Variants in GUCY1A2 observed in about 807,000 individuals in gnomAD.
The protein encoded by GUCY1A2 is guanylate cyclase 1 soluble subunit alpha 2, also known as guanylate cyclase soluble subunit alpha-2.
Under a neutral mutation model 63.5 loss-of-function variants are expected in GUCY1A2, and 27 were observed. The observed-to-expected ratio is 0.43, with a 90% CI of 0.31 to 0.59. GUCY1A2 has a LOEUF of 0.59. GUCY1A2 is among the 20% of genes least tolerant of loss of function. The pLI, the probability that GUCY1A2 is intolerant of heterozygous loss-of-function variation, is 0.11. For synonymous variants in GUCY1A2, 364 were observed against 343.5 expected, an observed-to-expected ratio of 1.06 and a Z score of -0.66; for missense variants, 768 against 913.3, an observed-to-expected ratio of 0.84 and a Z score of 2.05.
chr11:106,791,667 T>A (rs894239783), intron 5 of GUCY1A2, among the ~76,000 whole-genome samples: 3 of 152,160 alleles, frequency 2.0e-5, no homozygotes, highest in Non-Finnish European at 4.4e-5. Context: ...TCTTTTATTT[T>A]CAGAATAAAT....
chr11:106,827,853 A>C (rs1858994014), intron 4 of GUCY1A2: 1 of 1,600,856 alleles, frequency 6.2e-7, no homozygotes, highest in African/African-American at 1.3e-5. Flanking sequence ...GACCACCATG[A>C]ACTTCCCTGC....
At chr11:106,881,173 T>C (rs1015961747) in intron 4 of GUCY1A2, among the ~76,000 whole-genome samples, 1 of 152,092 alleles carries the variant, frequency 6.6e-6, no homozygotes, top group African/African-American at 2.4e-5. Flanking sequence ...GGCACATCCC[T>C]TTTAAATGTT....
At chr11:106,960,284 A>G (rs1861042310) in intron 3 of GUCY1A2, among the ~76,000 whole-genome samples, 1 of 152,116 alleles carries the variant, frequency 6.6e-6, no homozygotes, top group South Asian at 2.1e-4. Context: ...GATATGAAGG[A>G]TTTCAGTCTA....
intron 5 of GUCY1A2, among the ~76,000 whole-genome samples, chr11:106,786,879 C>T (rs1332139188): frequency 6.6e-6 from 1 of 152,164 alleles, no homozygotes; most frequent in Non-Finnish European, 1.5e-5. Context: ...CATCCACTCA[C>T]TCTTTAGAAA....
At chr11:106,818,060 T>G (rs1591289170) in intron 4 of GUCY1A2, among the ~76,000 whole-genome samples, 1 of 152,278 alleles carries the variant, frequency 6.6e-6, no homozygotes, top group East Asian at 1.9e-4. Flanking sequence ...CATTAAACAC[T>G]ATAGCCAAAA....
At chr11:106,853,472 T>C (rs932481204) in intron 4 of GUCY1A2, among the ~76,000 whole-genome samples, 3 of 152,054 alleles carry the variant, frequency 2.0e-5, no homozygotes, top group Admixed American at 1.3e-4. Context: ...TAAAAATTCA[T>C]TGAATTCTTC....
At chr11:106,935,465 G>GATCC (rs1324395569) in intron 4 of GUCY1A2, among the ~76,000 whole-genome samples, 1 of 152,108 alleles carries the variant, frequency 6.6e-6, no homozygotes, top group Non-Finnish European at 1.5e-5. Flanking sequence ...ATAACAAGAT[G>GATCC]ATCCCTTCAT....
chr11:106,923,508 G>A (rs1396730003), intron 4 of GUCY1A2, among the ~76,000 whole-genome samples: 1 of 152,166 alleles, frequency 6.6e-6, no homozygotes, highest in African/African-American at 2.4e-5. Context: ...CCTTTGCAAG[G>A]CCCACAATCA....
intron 6 of GUCY1A2, among the ~76,000 whole-genome samples, chr11:106,745,497 G>A (rs1215845178): frequency 6.6e-6 from 1 of 152,058 alleles, no homozygotes; most frequent in Non-Finnish European, 1.5e-5. Flanking sequence ...ATTACCATTT[G>A]TTGCCACATA....
chr11:106,930,325 G>A (rs1860583754), intron 4 of GUCY1A2, among the ~76,000 whole-genome samples: 1 of 152,188 alleles, frequency 6.6e-6, no homozygotes, highest in Non-Finnish European at 1.5e-5. Context: ...CTGCTACAGA[G>A]ACTGCATTCT....
At chr11:106,928,750 T>C (rs1860563397) in intron 4 of GUCY1A2, among the ~76,000 whole-genome samples, 1 of 152,162 alleles carries the variant, frequency 6.6e-6, no homozygotes, top group Non-Finnish European at 1.5e-5. Context: ...GTGACTATCC[T>C]GAATACTGTA....
At chr11:106,855,846 T>C (rs1859422322) in intron 4 of GUCY1A2, among the ~76,000 whole-genome samples, 1 of 152,020 alleles carries the variant, frequency 6.6e-6, no homozygotes, top group Non-Finnish European at 1.5e-5. Flanking sequence ...CAGAAAGTAT[T>C]AGTCCTTCAT....
intron 3 of GUCY1A2, among the ~76,000 whole-genome samples, chr11:106,963,717 T>C (rs1205973134): frequency 2.0e-5 from 3 of 152,316 alleles, no homozygotes; most frequent in Non-Finnish European, 4.4e-5. Flanking sequence ...TAGGTGATAC[T>C]AGGAATTTAT....
At chr11:106,971,439 A>G (rs1861193320) in intron 3 of GUCY1A2, among the ~76,000 whole-genome samples, 1 of 152,154 alleles carries the variant, frequency 6.6e-6, no homozygotes. Context: ...ACTGTATTTT[A>G]GTTGATAAAA....
intron 1 of GUCY1A2, among the ~76,000 whole-genome samples, chr11:106,988,383 T>G (rs1407596801): frequency 6.6e-6 from 1 of 152,050 alleles, no homozygotes; most frequent in Admixed American, 6.5e-5. Flanking sequence ...TCCAATAACC[T>G]CTGGTCATAA....
intron 4 of GUCY1A2, among the ~76,000 whole-genome samples, chr11:106,871,960 G>C (rs570125385): frequency 6.6e-6 from 1 of 152,206 alleles, no homozygotes; most frequent in Non-Finnish European, 1.5e-5. Flanking sequence ...CAGCCTTGAC[G>C]TGTGTTCTAT....
intron 1 of GUCY1A2, among the ~76,000 whole-genome samples, chr11:107,005,367 G>A (rs1861658719): frequency 6.6e-6 from 1 of 152,174 alleles, no homozygotes; most frequent in South Asian, 2.1e-4. Flanking sequence ...TTGACCACAT[G>A]GGCTCAAGTG....
chr11:106,871,295 C>T (rs1859674382), intron 4 of GUCY1A2, among the ~76,000 whole-genome samples: 1 of 151,982 alleles, frequency 6.6e-6, no homozygotes, highest in African/African-American at 2.4e-5. Flanking sequence ...TCGACATTAG[C>T]GTTATGTCAA....
intron 3 of GUCY1A2, among the ~76,000 whole-genome samples, chr11:106,961,245 G>A (rs1481941779): frequency 2.0e-5 from 3 of 151,874 alleles, no homozygotes; most frequent in Admixed American, 6.6e-5. Flanking sequence ...CCACTTCTTA[G>A]AGAACGAAGG....
Sources: allele counts gnomAD v4.1 joint callset (sites outside exome capture counted in the v4.1 genomes callset), GRCh38; gene constraint gnomAD v4.1.1; transcripts MANE v1.5; gene names NCBI Gene and HGNC (gene_info 2026-07-23, HGNC 2026-07-21).